Variants in PLPPR1 observed in about 807,000 individuals in gnomAD.
PLPPR1 encodes the protein phospholipid phosphatase related 1.
PLPPR1 carries 10 observed loss-of-function variants against 33.1 expected under a neutral mutation model. The ratio of observed to expected loss-of-function variants is 0.30; its 90% CI spans 0.19 to 0.51. PLPPR1 has a LOEUF of 0.51. PLPPR1 is among the 20% of genes least tolerant of loss of function. The probability of loss-of-function intolerance (pLI) is 0.97; values close to 1 mark genes in which losing one functional copy is unlikely to be tolerated. For missense variants in PLPPR1, 304 were observed against 408.1 expected (o/e 0.74, Z 2.20); for synonymous variants, 151 against 151.0 (o/e 1.00, Z 0.00).
At chr9:101,316,088 A>G (rs577024026) in intron 6 of PLPPR1, among the ~76,000 whole-genome samples, 1 of 152,284 alleles carries the variant, frequency 6.6e-6, no homozygotes, top group Non-Finnish European at 1.5e-5. Flanking sequence ...CAGCAGAGGG[A>G]CCTGGGTCTC....
At chr9:101,270,936 A>T (rs1318582011) in intron 3 of PLPPR1, among the ~76,000 whole-genome samples, 1 of 152,112 alleles carries the variant, frequency 6.6e-6, no homozygotes, top group Admixed American at 6.5e-5. Context: ...CAGTAATAAA[A>T]ATACTGACTG....
chr9:101,096,053 T>C (rs1308126956), intron 1 of PLPPR1, among the ~76,000 whole-genome samples: 3 of 152,130 alleles, frequency 2.0e-5, no homozygotes, highest in Non-Finnish European at 4.4e-5. Context: ...GTAAAAGCCT[T>C]ACAATTGCTG....
intron 4 of PLPPR1, among the ~76,000 whole-genome samples, chr9:101,291,626 A>T (rs1828510951): frequency 6.6e-6 from 1 of 152,206 alleles, no homozygotes. Flanking sequence ...CAGCATTCGC[A>T]GTTTACGAAA....
rs1330423970 is a variant in PLPPR1, at chr9:101,309,272, T to C, written c.447T>C (p.Thr149=). 1 of 1,614,200 alleles carries C rather than the reference T, an allele frequency of 6.2e-7. No individual in the cohort carries two copies. Among genetic ancestry groups the C allele is most frequent in the East Asian group, 2.2e-5 (1 of 44,878 alleles). The part of the protein sequence containing the change: ...DIFVNAGQVV[T]GHLTPYFLTV... ...TTGTAAACGCCGGACAAGTGGTCACTGGGCACTTAACGCCATACTTCCTGA... is the reference window on the plus strand; with the variant it reads ...TTGTAAACGCCGGACAAGTGGTCACCGGGCACTTAACGCCATACTTCCTGA... Residue 149 remains threonine, a synonymous_variant, in exon 5 of 8, where the codon ACT becomes ACC. Transcript: ENST00000374874.
intron 2 of PLPPR1, among the ~76,000 whole-genome samples, chr9:101,238,185 C>T (rs568208874): frequency 1.5e-5 from 2 of 133,384 alleles, no homozygotes; most frequent in Admixed American, 1.5e-4. Flanking sequence ...TATATATATG[C>T]CCTATATATA....
chr9:101,040,540 CTT>C, intron 1 of PLPPR1, among the ~76,000 whole-genome samples: 1 of 152,230 alleles, frequency 6.6e-6, no homozygotes, highest in South Asian at 2.1e-4. Context: ...CCCAAACATA[CTT>C]TCATCTCAGG....
At chr9:101,224,576 TA>T (rs1423325647) in intron 2 of PLPPR1, among the ~76,000 whole-genome samples, 1 of 152,196 alleles carries the variant, frequency 6.6e-6, no homozygotes, top group Non-Finnish European at 1.5e-5. Flanking sequence ...TTGGGGTTTA[TA>T]GACACAATGG....
intron 1 of PLPPR1, among the ~76,000 whole-genome samples, chr9:101,150,985 T>C (rs1401818205): frequency 6.6e-6 from 1 of 152,182 alleles, no homozygotes; most frequent in East Asian, 1.9e-4. Context: ...CTGCTGTAGT[T>C]TATACTTGGG....
intron 1 of PLPPR1, among the ~76,000 whole-genome samples, chr9:101,146,218 C>CA (rs1442120393): frequency 6.6e-6 from 1 of 152,144 alleles, no homozygotes; most frequent in Non-Finnish European, 1.5e-5. Flanking sequence ...CGATGACTTG[C>CA]ACAGGGCCTG....
At chr9:101,219,599 A>G (rs2118786236) in intron 2 of PLPPR1, among the ~76,000 whole-genome samples, 1 of 152,344 alleles carries the variant, frequency 6.6e-6, no homozygotes, top group South Asian at 2.1e-4. Flanking sequence ...CGTTAATGAT[A>G]TTAAGATGTT....
chr9:101,239,940 T>C (rs1394866205), intron 2 of PLPPR1, among the ~76,000 whole-genome samples: 2 of 152,072 alleles, frequency 1.3e-5, no homozygotes, highest in Admixed American at 1.3e-4. Flanking sequence ...TTGCCTGTGC[T>C]TTTGAAGACT....
intron 2 of PLPPR1, among the ~76,000 whole-genome samples, chr9:101,224,454 T>C (rs1564182504): frequency 6.6e-6 from 1 of 152,214 alleles, no homozygotes; most frequent in Non-Finnish European, 1.5e-5. Flanking sequence ...GCTGCTGTCA[T>C]TGAGTCTTTC....
At chr9:101,188,695 C>T (rs888372969) in intron 2 of PLPPR1, among the ~76,000 whole-genome samples, 3 of 151,588 alleles carry the variant, frequency 2.0e-5, no homozygotes, top group Non-Finnish European at 4.4e-5. Context: ...TGGTTTAATC[C>T]CCTATTTCCT....
chr9:101,295,990 G>T (rs949465909), intron 4 of PLPPR1, among the ~76,000 whole-genome samples: 48 of 151,048 alleles, frequency 3.2e-4, no homozygotes, highest in African/African-American at 1.0e-3. Flanking sequence ...CACAGCAAAA[G>T]AAACTACCAT....
At chr9:101,199,415 C>G (rs559187688) in intron 2 of PLPPR1, among the ~76,000 whole-genome samples, 17 of 152,108 alleles carry the variant, frequency 1.1e-4, no homozygotes, top group Non-Finnish European at 2.4e-4. Flanking sequence ...AGTACAATAA[C>G]TTTATTCTCT....
At chr9:101,280,212 T>C (rs1828273270) in intron 3 of PLPPR1, among the ~76,000 whole-genome samples, 1 of 152,044 alleles carries the variant, frequency 6.6e-6, no homozygotes, top group South Asian at 2.1e-4. Flanking sequence ...ACTCTAGACA[T>C]ATACAACTTA....
At chr9:101,256,833 T>TATCCTGATAGAAATAAAGATTGTAGC (rs1827812138) in intron 2 of PLPPR1, among the ~76,000 whole-genome samples, 1 of 152,132 alleles carries the variant, frequency 6.6e-6, no homozygotes, top group Non-Finnish European at 1.5e-5. Context: ...ATAGTATATT[T>TATCCTGATAGAAATAAAGATTGTAGC]ATCCTGATAG....
At chr9:101,167,186 T>TGTGTGTGTGTGTGTGTGTGTGTGTG (rs1825872610) in intron 1 of PLPPR1, among the ~76,000 whole-genome samples, 4 of 23,190 alleles carry the variant, frequency 1.7e-4, no homozygotes, top group Admixed American at 3.9e-4. Flanking sequence ...GTGTGTGTCT[T>TGTGTGTGTGTGTGTGTGTGTGTGTG]TCTCTCTCTC....
chr9:101,233,671 T>G (rs1480047071), intron 2 of PLPPR1, among the ~76,000 whole-genome samples: 2 of 151,920 alleles, frequency 1.3e-5, no homozygotes, highest in African/African-American at 4.8e-5. Context: ...ATGTAATGTT[T>G]TAGCAAGAAG....
Sources: allele counts gnomAD v4.1 joint callset (sites outside exome capture counted in the v4.1 genomes callset), GRCh38; gene constraint gnomAD v4.1.1; transcripts MANE v1.5; gene names NCBI Gene and HGNC (gene_info 2026-07-23, HGNC 2026-07-21).